CDH11: variants seen among roughly 807,000 people sequenced by gnomAD.
The protein encoded by CDH11 is cadherin 11.
A neutral mutation model predicts 67.8 loss-of-function variants in CDH11; 11 were observed. The observed-to-expected ratio is 0.16, with a 90% CI of 0.10 to 0.27. The LOEUF (loss-of-function observed/expected upper bound fraction) is 0.27. Ranked by LOEUF, CDH11 falls within the 10% of genes least tolerant of loss-of-function variation. CDH11 has a pLI of 1.00. For synonymous variants in CDH11, 419 were observed against 400.0 expected, an observed-to-expected ratio of 1.05 and a Z score of -0.57; for missense variants, 847 against 1,031.2, an observed-to-expected ratio of 0.82 and a Z score of 2.45.
rs865787402 is a variant in CDH11 at position 64,991,926 on chromosome 16, C to T, written c.653G>A (p.Arg218Lys). 3 of 1,608,004 alleles carry T rather than the reference C, an allele frequency of 1.9e-6. No individual in the cohort carries two copies. The highest frequency in any genetic ancestry group is 2.6e-6 in the Non-Finnish European group (3 of 1,175,230). Residue 218 changes from arginine to lysine, a missense_variant, in exon 6 of 13, where the codon AGA (arginine) becomes AAA (lysine). Arg to Lys is a conservative substitution (Grantham distance 26). Coordinates refer to ENST00000268603, the MANE Select transcript of CDH11 (RefSeq NM_001797.4). ...FSVEAQTGII[R>K]TALPNMDREA... ...CCTGTCCATGTTGGGTAGGGCTGTT[C>T]TGATGATACCTGGACAGGTAAGCAG...
chr16:65,082,972 T>C (rs898960760), intron 1 of CDH11, among the ~76,000 whole-genome samples: 4 of 152,190 alleles, frequency 2.6e-5, no homozygotes, highest in Non-Finnish European at 4.4e-5. Flanking sequence ...TTTTATGTAG[T>C]AGGGCTTGGC....
intron 1 of CDH11, among the ~76,000 whole-genome samples, chr16:65,068,788 T>C (rs1317794964): frequency 6.6e-6 from 1 of 152,200 alleles, no homozygotes; most frequent in Non-Finnish European, 1.5e-5. Context: ...GATGTTCTTG[T>C]TTTGTCTCTC....
Position 64,945,319 on chromosome 16 carries a change from A to T in CDH11, c.*2284T>A. On this transcript the variant is annotated 3_prime_UTR_variant, in exon 13 of 13. Transcript: ENST00000268603. ...TAAAAGGTAAAAAAAAAAAAAAAAA[A>T]GAAAAAGAAAAACAAGTATTCTTAA... is the stretch of plus-strand genomic sequence containing the variant. 5 of 440,892 alleles carry T rather than the reference A, an allele frequency of 1.1e-5. No individual in the cohort carries two copies. The highest frequency in any genetic ancestry group is 1.5e-5 in the Non-Finnish European group (5 of 340,376). The allele number at this position is 440,892 out of a possible 1,614,324, so 27.3% of individuals were successfully genotyped here.
At chr16:65,062,961 A>C (rs940900085) in intron 1 of CDH11, among the ~76,000 whole-genome samples, 5 of 152,176 alleles carry the variant, frequency 3.3e-5, no homozygotes, top group Non-Finnish European at 7.3e-5. Context: ...TCCTCATCAC[A>C]CCTCATTAAA....
upstream of CDH11, chr16:65,122,311 C>T (rs1300834789): frequency 5.2e-5 from 16 of 305,206 alleles, no homozygotes; most frequent in South Asian, 4.3e-4. Flanking sequence ...TTCGTGGCCG[C>T]CCCTCCCGCC....
intron 2 of CDH11, among the ~76,000 whole-genome samples, chr16:65,045,545 T>C (rs1199160338): frequency 6.6e-6 from 1 of 151,514 alleles, no homozygotes; most frequent in Admixed American, 6.6e-5. Flanking sequence ...CACAATTAAT[T>C]GGTGGCAGAT....
chr16:64,951,167 G>T, intron 11 of CDH11, 149 bp from the exon 12 acceptor site: 1 of 751,996 alleles, frequency 1.3e-6, no homozygotes, highest in Non-Finnish European at 2.1e-6. Flanking sequence ...AAGTATCTGC[G>T]GAAGCCACAG....
chr16:65,027,651 C>T (rs1336285632), intron 2 of CDH11, among the ~76,000 whole-genome samples: 1 of 152,206 alleles, frequency 6.6e-6, no homozygotes. Flanking sequence ...ATGTCCACGA[C>T]AGAAAGGCTT....
At position 64,944,619 on chromosome 16, in the gene CDH11, C is replaced by T; in HGVS notation, c.*2984G>A. 1 of 231,924 alleles carries T rather than the reference C, an allele frequency of 4.3e-6. No homozygotes were observed. Among genetic ancestry groups the T allele is most frequent in the Non-Finnish European group, 8.5e-6 (1 of 117,220 alleles). The allele number at this position is 231,924 out of a possible 1,614,324, so 14.4% of individuals were successfully genotyped here. A position where few individuals can be genotyped will look rare whatever the true frequency, so the allele number is the denominator to read the frequency against. Reference sequence around the variant, plus strand: ...GTTTCAAATACTCCTGACCTGGTTCCACCTGACATACAGAGCCATGATCTC... The same window carrying T: ...GTTTCAAATACTCCTGACCTGGTTCTACCTGACATACAGAGCCATGATCTC... On this transcript the variant is annotated 3_prime_UTR_variant, in exon 13 of 13. Transcript: ENST00000268603.
rs564113439 is a variant in CDH11 at position 65,105,423 on chromosome 16, A to T, written c.-298+16457T>A. ...ATAACCTCCATCAACACATTCCCAC[A>T]ACACAAGATACCTCCCAGGGCAACA... On this transcript the variant is annotated intron_variant, in intron 1 of 12. Coordinates refer to ENST00000268603, the MANE Select transcript of CDH11 (RefSeq NM_001797.4). Among the ~76,000 whole-genome samples the T allele has an allele frequency of 2.0e-5, 3 of 152,274 alleles. No homozygotes were observed. In the South Asian group the frequency reaches 6.2e-4, roughly 32 times the overall value.
At chr16:65,017,210 A>G (rs1328705576) in intron 2 of CDH11, among the ~76,000 whole-genome samples, 1 of 152,122 alleles carries the variant, frequency 6.6e-6, no homozygotes, top group Non-Finnish European at 1.5e-5. Context: ...ACCTCCTGGC[A>G]ATGCAGCCTA....
intron 1 of CDH11, among the ~76,000 whole-genome samples, chr16:65,115,445 A>G (rs941781381): frequency 2.6e-5 from 4 of 152,198 alleles, no homozygotes; most frequent in Non-Finnish European, 5.9e-5. Context: ...ACCTGTTCTC[A>G]TTAGTCCATA....
chr16:65,033,275 C>G (rs1392633665), intron 2 of CDH11, among the ~76,000 whole-genome samples: 4 of 148,356 alleles, frequency 2.7e-5, no homozygotes, highest in East Asian at 2.1e-4. Context: ...CACACACATA[C>G]AGATTTTGAG....
chr16:65,017,224 T>C (rs1241603493), intron 2 of CDH11, among the ~76,000 whole-genome samples: 1 of 152,162 alleles, frequency 6.6e-6, no homozygotes, highest in Admixed American at 6.6e-5. Flanking sequence ...CAGCCTACCA[T>C]ATCTCATTCT....
upstream of CDH11, among the ~76,000 whole-genome samples, chr16:65,123,444 G>A (rs1336255659): frequency 3.3e-5 from 5 of 151,954 alleles, no homozygotes; most frequent in Admixed American, 3.3e-4. Flanking sequence ...GAGGAGACGG[G>A]CCCAGGAGTT....
intron 2 of CDH11, among the ~76,000 whole-genome samples, chr16:65,050,007 T>A (rs1224270292): frequency 6.6e-6 from 1 of 152,106 alleles, no homozygotes; most frequent in African/African-American, 2.4e-5. Context: ...TTTCTGGGAT[T>A]CACTCCTATG....
chr16:64,956,699 C>G (rs2071521713), intron 11 of CDH11, among the ~76,000 whole-genome samples: 1 of 152,104 alleles, frequency 6.6e-6, no homozygotes, highest in East Asian at 1.9e-4. Flanking sequence ...AATGGAAAAA[C>G]AAATTCAGGC....
At chr16:65,116,679 A>G (rs143166846) in intron 1 of CDH11, among the ~76,000 whole-genome samples, 1,658 of 152,292 alleles carry the variant, frequency 0.011, 33 homozygotes, top group African/African-American at 0.036. Context: ...GCTACTGTCT[A>G]CTGCAGTCTT....
intron 1 of CDH11, among the ~76,000 whole-genome samples, chr16:65,067,768 AAGGGAGGGAAGGG>A (rs1213300109): frequency 1.5e-5 from 2 of 137,142 alleles, no homozygotes; most frequent in African/African-American, 5.4e-5. Flanking sequence ...GGAAGAAAGG[AAGGGAGGGAAGGG>A]AGGGAGAGAG....
Sources: allele counts gnomAD v4.1 joint callset (sites outside exome capture counted in the v4.1 genomes callset), GRCh38; gene constraint gnomAD v4.1.1; transcripts MANE v1.5; gene names NCBI Gene and HGNC (gene_info 2026-07-23, HGNC 2026-07-21).